OR10J1: variants seen among roughly 807,000 people sequenced by gnomAD.
OR10J1 encodes olfactory receptor family 10 subfamily J member 1, also known as olfactory receptor 10J1.
For missense variants in OR10J1, 474 were observed against 376.6 expected (o/e 1.26, Z -2.14); for synonymous variants, 202 against 143.8 (o/e 1.40, Z -2.89).
chr1:159,440,831 CAAAAG>C lies in OR10J1; in HGVS notation c.*112_*116del. On this transcript the variant is annotated 3_prime_UTR_variant, in exon 1 of 1. Transcript: ENST00000423932. The stretch of plus-strand genomic sequence containing the variant: ...AGAGACCTGCCCCTTAAATAAGAGG[CAAAAG>C]AGGAATAGCAGTTTCATACAACTGG... 9 of 1,171,264 alleles carry C rather than the reference CAAAAG, an allele frequency of 7.7e-6. No individual in the cohort carries two copies. The highest frequency in any genetic ancestry group is 1.1e-5 in the Non-Finnish European group (9 of 839,816). 72.6% of individuals were successfully genotyped at this position (1,171,264 alleles called of 1,614,324 possible). A position where few individuals can be genotyped will look rare whatever the true frequency, so the allele number is the denominator to read the frequency against.
the OR10J1 span, among the ~76,000 whole-genome samples, chr1:159,425,569 G>A: frequency 1.8e-4 from 27 of 151,838 alleles, no homozygotes; most frequent in Admixed American, 1.5e-3. Context: ...CTTAATAACA[G>A]AGTTCAATTA....
chr1:159,425,694 A>C, the OR10J1 span, among the ~76,000 whole-genome samples: 1 of 152,102 alleles, frequency 6.6e-6, no homozygotes, highest in Non-Finnish European at 1.5e-5. Flanking sequence ...CTGAAAATAG[A>C]TTTAATTTTT....
the OR10J1 span, among the ~76,000 whole-genome samples, chr1:159,411,097 C>T: frequency 6.6e-6 from 1 of 152,080 alleles, no homozygotes; most frequent in East Asian, 1.9e-4. Flanking sequence ...TCTACATTTG[C>T]TGAGGAGAGC....
chr1:159,434,470 A>G (rs1284282294), upstream of OR10J1, among the ~76,000 whole-genome samples: 1 of 152,144 alleles, frequency 6.6e-6, no homozygotes, highest in African/African-American at 2.4e-5. Flanking sequence ...TTTTTCACTC[A>G]GCACAACCCC....
At chr1:159,407,459 C>T in the OR10J1 span, among the ~76,000 whole-genome samples, 3 of 152,084 alleles carry the variant, frequency 2.0e-5, no homozygotes, top group South Asian at 6.2e-4. Flanking sequence ...TTAGAAAAGT[C>T]TCTGGCACCT....
chr1:159,419,643 A>C, the OR10J1 span, among the ~76,000 whole-genome samples: 1 of 152,202 alleles, frequency 6.6e-6, no homozygotes, highest in Admixed American at 6.5e-5. Flanking sequence ...TACAGTTTCC[A>C]AAGTTCCTCT....
chr1:159,431,746 G>A, the OR10J1 span, among the ~76,000 whole-genome samples: 1 of 152,106 alleles, frequency 6.6e-6, no homozygotes, highest in Non-Finnish European at 1.5e-5. Flanking sequence ...AATTACCTAT[G>A]ATATTCAACA....
chr1:159,398,013 G>T, the OR10J1 span, among the ~76,000 whole-genome samples: 1 of 152,206 alleles, frequency 6.6e-6, no homozygotes, highest in African/African-American at 2.4e-5. Flanking sequence ...GAGTGCTTGT[G>T]TCACTACACC....
the OR10J1 span, among the ~76,000 whole-genome samples, chr1:159,408,744 A>G: frequency 6.6e-6 from 1 of 152,138 alleles, no homozygotes; most frequent in Non-Finnish European, 1.5e-5. Context: ...GAATATTGTG[A>G]GGCTCAAATG....
chr1:159,439,652 C>T, upstream of OR10J1: 1 of 995,318 alleles, frequency 1.0e-6, no homozygotes, highest in East Asian at 2.4e-5. Flanking sequence ...CAGGGATTAA[C>T]TTAATCCACT....
the OR10J1 span, among the ~76,000 whole-genome samples, chr1:159,403,438 T>A: frequency 1.3e-5 from 2 of 151,916 alleles, no homozygotes; most frequent in Non-Finnish European, 2.9e-5. Context: ...AATAATCTGA[T>A]CAAAAATAGG....
At chr1:159,421,943 G>A in the OR10J1 span, among the ~76,000 whole-genome samples, 1 of 152,176 alleles carries the variant, frequency 6.6e-6, no homozygotes, top group Non-Finnish European at 1.5e-5. Flanking sequence ...GGCGTCAGGC[G>A]TGGCATGGGC....
the OR10J1 span, among the ~76,000 whole-genome samples, chr1:159,425,425 G>A: frequency 6.6e-6 from 1 of 151,964 alleles, no homozygotes; most frequent in South Asian, 2.1e-4. Flanking sequence ...TAACTAGAAG[G>A]CTAAATAAAT....
the OR10J1 span, among the ~76,000 whole-genome samples, chr1:159,419,410 T>C: frequency 3.3e-5 from 5 of 152,326 alleles, no homozygotes; most frequent in South Asian, 1.0e-3. Flanking sequence ...CTGATGGTTT[T>C]ATAAATGGGA....
At chr1:159,428,775 G>A in the OR10J1 span, among the ~76,000 whole-genome samples, 53 of 152,292 alleles carry the variant, frequency 3.5e-4, no homozygotes, top group African/African-American at 1.2e-3. Context: ...GAGAGATTAT[G>A]TGGAATTGAA....
At chr1:159,401,891 T>G in the OR10J1 span, among the ~76,000 whole-genome samples, 1 of 152,072 alleles carries the variant, frequency 6.6e-6, no homozygotes, top group Admixed American at 6.6e-5. Flanking sequence ...GGAAAGATCA[T>G]TTATCATGAC....
At chr1:159,401,720 G>C in the OR10J1 span, among the ~76,000 whole-genome samples, 1 of 151,788 alleles carries the variant, frequency 6.6e-6, no homozygotes, top group East Asian at 1.9e-4. Context: ...CATAGAAGAG[G>C]AAGGAATACG....
the OR10J1 span, chr1:159,406,000 A>G: frequency 2.2e-6 from 1 of 446,472 alleles, no homozygotes; most frequent in Non-Finnish European, 4.3e-6. Flanking sequence ...AAGACCACAT[A>G]GCAATCATAT....
At chr1:159,418,378 C>T in the OR10J1 span, among the ~76,000 whole-genome samples, 12 of 152,116 alleles carry the variant, frequency 7.9e-5, no homozygotes. Context: ...CTATTGGTGC[C>T]CTGAGTCCCA....
Sources: gnomAD v4.1 joint callset for allele counts (sites outside exome capture counted in the v4.1 genomes callset) on GRCh38, gnomAD v4.1.1 for gene constraint, MANE v1.5 for transcripts, NCBI Gene and HGNC (gene_info 2026-07-23, HGNC 2026-07-21) for gene names.